The following FBXL5 variants were observed in gnomAD, a reference collection of about 807,000 sequenced individuals.
The protein encoded by FBXL5 is F-box and leucine rich repeat protein 5.
FBXL5 carries 26 observed loss-of-function variants against 78.3 expected under a neutral mutation model. That is an observed-to-expected ratio of 0.33 (90% CI 0.24 to 0.46). The LOEUF (loss-of-function observed/expected upper bound fraction) is 0.46. FBXL5 is among the 20% of genes least tolerant of loss of function. The pLI is 1.00. For missense variants in FBXL5, 710 were observed against 829.2 expected (o/e 0.86, Z 1.77); for synonymous variants, 295 against 282.5 (o/e 1.04, Z -0.45).
At chr4:15,626,083 T>C in intron 8 of FBXL5, 106 bp from the exon 9 acceptor site, 3 of 1,002,732 alleles carry the variant, frequency 3.0e-6, no homozygotes, top group East Asian at 5.3e-5. Context: ...ACATCTAATA[T>C]AATCACTTAA....
intron 3 of FBXL5, 34 bp from the exon 4 acceptor site, chr4:15,638,728 C>T: frequency 7.4e-7 from 1 of 1,358,858 alleles, no homozygotes. Flanking sequence ...AGGAAAGATG[C>T]TTCATTCGTG....
chr4:15,643,457 T>C (rs1236730727), intron 2 of FBXL5, among the ~76,000 whole-genome samples: 1 of 152,234 alleles, frequency 6.6e-6, no homozygotes, highest in Non-Finnish European at 1.5e-5. Flanking sequence ...CTCTACATCA[T>C]TATCCTAAAC....
intron 3 of FBXL5, 26 bp downstream of exon 3, chr4:15,640,762 A>C: frequency 3.2e-6 from 4 of 1,262,598 alleles, no homozygotes; most frequent in Non-Finnish European, 4.4e-6. Context: ...TATAAATCTA[A>C]ATCACGAAAG....
intron 2 of FBXL5, among the ~76,000 whole-genome samples, chr4:15,641,101 A>G (rs1714825307): frequency 6.6e-6 from 1 of 152,122 alleles, no homozygotes; most frequent in Non-Finnish European, 1.5e-5. Context: ...AAAATATCAT[A>G]AAAAGTCTAA....
At chr4:15,641,793 G>C (rs778016580) in intron 2 of FBXL5, among the ~76,000 whole-genome samples, 18 of 152,112 alleles carry the variant, frequency 1.2e-4, no homozygotes, top group Non-Finnish European at 1.5e-4. Context: ...TTGGGACGCA[G>C]AGGCAGGCGG....
At position 15,655,198 on chromosome 4, in the gene FBXL5, C is replaced by A; in HGVS notation, c.84+6G>T. 1 of 1,405,332 alleles carries A rather than the reference C, an allele frequency of 7.1e-7. No individual in the cohort carries two copies. The highest frequency in any genetic ancestry group is 1.3e-5 in the South Asian group (1 of 75,862). The allele number at this position is 1,405,332 out of a possible 1,614,324, so 87.1% of individuals were successfully genotyped here. A position where few individuals can be genotyped will look rare whatever the true frequency, so the allele number is the denominator to read the frequency against. ...GCCCACAGCGGGAGGCTCAGCGCTC[C>A]GTTACCTTGTCGCAGTAGAGCCCCA... On this transcript the variant is annotated splice_donor_region_variant and intron_variant, in intron 1 of 10. Transcript: ENST00000341285.
In FBXL5 at chr4:15,640,769, A is replaced by G. The variant is rs768453827; in HGVS notation, c.396+19T>C. On this transcript the variant is annotated intron_variant, in intron 3 of 10. Coordinates refer to ENST00000341285, the MANE Select transcript of FBXL5 (RefSeq NM_012161.4). ...AAGAATGTTATAAATCTAAATCACG[A>G]AAGAAAAATTATGCTTACCTCCTCT... The G allele has an allele frequency of 4.4e-6, 6 of 1,370,562 alleles. No individual in the cohort carries two copies. The East Asian group carries it at 7.5e-5, about 17-fold the overall frequency. The allele number at this position is 1,370,562 out of a possible 1,614,324, so 84.9% of individuals were successfully genotyped here.
intron 1 of FBXL5, among the ~76,000 whole-genome samples, chr4:15,679,577 A>C (rs1560256094): frequency 6.6e-6 from 1 of 150,548 alleles, no homozygotes; most frequent in African/African-American, 2.4e-5. Context: ...AAAAAAAAAA[A>C]CAAAAAAACA....
chr4:15,680,996 A>G (rs1457594597), intron 1 of FBXL5, among the ~76,000 whole-genome samples: 1 of 150,226 alleles, frequency 6.7e-6, no homozygotes, highest in African/African-American at 2.4e-5. Flanking sequence ...CCACAAAAAA[A>G]TTTGGTTTGT....
intron 10 of FBXL5, among the ~76,000 whole-genome samples, chr4:15,606,926 C>G (rs759199058): frequency 3.3e-5 from 5 of 152,142 alleles, no homozygotes; most frequent in Admixed American, 2.0e-4. Flanking sequence ...AGCAAGTAAG[C>G]TAATACTACC....
At chr4:15,630,864 T>G in intron 5 of FBXL5, 73 bp from the exon 6 acceptor site, 1 of 1,567,142 alleles carries the variant, frequency 6.4e-7, no homozygotes, top group Non-Finnish European at 8.7e-7. Flanking sequence ...AACTAAGCTA[T>G]TTACGATAAA....
rs771778914 is a variant in FBXL5, at chr4:15,626,972, T to C, written c.1042-17A>G. 1 of 1,567,400 alleles carries C rather than the reference T, an allele frequency of 6.4e-7. No individual in the cohort carries two copies. Among genetic ancestry groups the C allele is most frequent in the East Asian group, 2.2e-5 (1 of 44,574 alleles). Reference sequence around the variant, plus strand: ...CTGCCTAACCTAAAAGGCAAGAAATTGTCACTGTAAAGATCTGCAGAACTT... The same window carrying C: ...CTGCCTAACCTAAAAGGCAAGAAATCGTCACTGTAAAGATCTGCAGAACTT... On this transcript the variant is annotated splice_polypyrimidine_tract_variant and intron_variant, in intron 7 of 10. Transcript: ENST00000341285.
chr4:15,610,247 T>C (rs1426777169), intron 10 of FBXL5, among the ~76,000 whole-genome samples: 1 of 152,072 alleles, frequency 6.6e-6, no homozygotes, highest in Non-Finnish European at 1.5e-5. Flanking sequence ...TTCTAGGTTG[T>C]CCACATATCC....
intron 9 of FBXL5, among the ~76,000 whole-genome samples, chr4:15,614,991 C>T (rs1711634281): frequency 6.6e-6 from 1 of 152,128 alleles, no homozygotes; most frequent in South Asian, 2.1e-4. Context: ...GTGGGCTTGG[C>T]GGGCCCCGCA....
chr4:15,677,439 G>A (rs1240217031), intron 1 of FBXL5, among the ~76,000 whole-genome samples: 1 of 152,146 alleles, frequency 6.6e-6, no homozygotes, highest in Non-Finnish European at 1.5e-5. Context: ...GGGACCCTAG[G>A]TACCTTCAGG....
intron 9 of FBXL5, among the ~76,000 whole-genome samples, chr4:15,612,910 T>C (rs1023290478): frequency 3.3e-5 from 5 of 152,182 alleles, no homozygotes; most frequent in Admixed American, 2.6e-4. Flanking sequence ...TGAATGTTCA[T>C]AGTAGCATTA....
intron 1 of FBXL5, among the ~76,000 whole-genome samples, chr4:15,676,881 C>G (rs1441222699): frequency 1.3e-5 from 2 of 151,964 alleles, no homozygotes; most frequent in African/African-American, 2.4e-5. Flanking sequence ...ATGAAATTCT[C>G]AAAGCTAAGA....
upstream of FBXL5, among the ~76,000 whole-genome samples, chr4:15,660,076 CCT>C (rs1034242983): frequency 1.3e-5 from 2 of 151,824 alleles, no homozygotes; most frequent in Admixed American, 1.3e-4. Context: ...CCTCCCTACC[CCT>C]GACATTTTTT....
chr4:15,608,260 G>A (rs1176908487), intron 10 of FBXL5, among the ~76,000 whole-genome samples: 1 of 151,984 alleles, frequency 6.6e-6, no homozygotes, highest in Non-Finnish European at 1.5e-5. Context: ...TAAAGTAAAA[G>A]GGAGACTCAA....
Sources: allele counts gnomAD v4.1 joint callset (sites outside exome capture counted in the v4.1 genomes callset), GRCh38; gene constraint gnomAD v4.1.1; transcripts MANE v1.5; gene names NCBI Gene and HGNC (gene_info 2026-07-23, HGNC 2026-07-21).